XCR1: variants seen among roughly 807,000 people sequenced by gnomAD.
XCR1 encodes the protein X-C motif chemokine receptor 1.
For synonymous variants in XCR1, 187 were observed against 188.5 expected, an observed-to-expected ratio of 0.99 and a Z score of 0.06; for missense variants, 356 against 424.2, an observed-to-expected ratio of 0.84 and a Z score of 1.41.
At chr3:46,050,066 A>G (rs1697710757) in intron 5 of XCR1, among the ~76,000 whole-genome samples, 1 of 152,240 alleles carries the variant, frequency 6.6e-6, no homozygotes, top group Admixed American at 6.5e-5. Context: ...GAGCCATTCT[A>G]TTACTGTTAC....
chr3:46,076,369 G>GAAA (rs1698260394), intron 2 of XCR1, among the ~76,000 whole-genome samples: 2 of 152,022 alleles, frequency 1.3e-5, no homozygotes, highest in Admixed American at 1.3e-4. Flanking sequence ...AATCTGGGCC[G>GAAA]TTCCTACTTC....
In XCR1 at chr3:46,020,905, C is replaced by A. The variant is rs1387342242; in HGVS notation, c.*41G>T. 2 of 1,585,300 alleles carry A rather than the reference C, an allele frequency of 1.3e-6. No homozygotes were observed. The highest frequency in any genetic ancestry group is 8.6e-7 in the Non-Finnish European group (1 of 1,166,198). ...GCTTCTCCATGACCCCCATTCCAGT[C>A]CCTGTCCACCTGCACCTGCGCCTGC... On this transcript the variant is annotated 3_prime_UTR_variant, in exon 2 of 2. Coordinates refer to ENST00000309285, the MANE Select transcript of XCR1 (RefSeq NM_001024644.2).
At chr3:46,031,694 A>G (rs2125895805), upstream of XCR1, among the ~76,000 whole-genome samples, 1 of 152,354 alleles carries the variant, frequency 6.6e-6, no homozygotes. Context: ...TGACAGTCCC[A>G]CGAACCACAG....
chr3:46,067,485 G>A (rs1357420020), intron 3 of XCR1, among the ~76,000 whole-genome samples: 2 of 152,094 alleles, frequency 1.3e-5, no homozygotes, highest in East Asian at 3.9e-4. Flanking sequence ...GCTAAATTGG[G>A]TTCCATGCCT....
intron 2 of XCR1, among the ~76,000 whole-genome samples, chr3:46,076,097 T>C (rs1056079215): frequency 6.6e-6 from 1 of 152,190 alleles, no homozygotes; most frequent in Non-Finnish European, 1.5e-5. Context: ...GCCACCAAGA[T>C]TTTTTAACAG....
At chr3:46,054,631 A>G (rs1231178111) in intron 4 of XCR1, among the ~76,000 whole-genome samples, 1 of 152,156 alleles carries the variant, frequency 6.6e-6, no homozygotes, top group Admixed American at 6.5e-5. Flanking sequence ...ACAGAAAATC[A>G]GTGACTGAGA....
At position 46,063,778 on chromosome 3, in the gene XCR1, G is replaced by A. The variant is rs114721856; in HGVS notation, c.-183+3121C>T. On this transcript the variant is annotated intron_variant, in intron 4 of 5. Coordinates refer to the XCR1 transcript ENST00000683768. ...ATTACTTCTCATCTTTGGCTTAAAT[G>A]TTAACCTCCTAAACATGTAATCCTC... is the stretch of plus-strand genomic sequence containing the variant. 7.4e-3 allele frequency among the ~76,000 whole-genome samples: 1,121 copies of A among 152,258 alleles called. 11 individuals carry two copies. The highest frequency in any genetic ancestry group is 0.021 in the African/African-American group (878 of 41,548).
chr3:46,059,411 G>T (rs970481975), intron 4 of XCR1, among the ~76,000 whole-genome samples: 10 of 152,136 alleles, frequency 6.6e-5, no homozygotes, highest in Non-Finnish European at 8.8e-5. Context: ...GCACTTGGTT[G>T]TTCATTTTGC....
intron 4 of XCR1, among the ~76,000 whole-genome samples, chr3:46,064,619 C>T (rs1481102780): frequency 1.3e-5 from 2 of 152,224 alleles, no homozygotes; most frequent in African/African-American, 4.8e-5. Flanking sequence ...TTGGAACATT[C>T]TCACTTGGTG....
At chr3:46,060,681 G>C (rs71327015) in intron 4 of XCR1, among the ~76,000 whole-genome samples, 13,742 of 152,184 alleles carry the variant, frequency 0.09, 1,007 homozygotes, top group South Asian at 0.34. Context: ...GATTACCTAT[G>C]GTAATAGTGA....
chr3:46,021,101 T>C lies in XCR1; in HGVS notation c.847A>G (p.Asn283Asp), dbSNP rs770447991. 1.2e-6 allele frequency: 2 copies of C among 1,614,070 alleles called. No homozygotes were observed. The highest frequency in any genetic ancestry group is 2.7e-5 in the African/African-American group (2 of 74,920). ...CCCACGAAGACATAGAGCACCGGGT[T>C]AAAGCAGCAGTGGGAGAAGGCGAGG... ...RNLAFSHCCF[N>D]PVLYVFVGVK... Residue 283 changes from asparagine to aspartate, a missense_variant, in exon 2 of 2, where the codon AAC becomes GAC. Transcript: ENST00000309285. This position sits in a 1 kb window ranked among gnomAD's most constrained non-coding sequence, Gnocchi z 4.7.
intron 3 of XCR1, among the ~76,000 whole-genome samples, chr3:46,069,194 A>C (rs1698124606): frequency 6.6e-6 from 1 of 152,186 alleles, no homozygotes; most frequent in Non-Finnish European, 1.5e-5. Context: ...TTATCTCAAG[A>C]ATCTACAAAA....
At chr3:46,074,336 C>A (rs1698217443) in intron 3 of XCR1, among the ~76,000 whole-genome samples, 1 of 147,100 alleles carries the variant, frequency 6.8e-6, no homozygotes, top group South Asian at 2.2e-4. Flanking sequence ...TGATAGAGGT[C>A]ATTATCTTAA....
rs147396899 is a variant in XCR1 at position 46,041,701 on chromosome 3, T to A, written c.-32+12219A>T. ...CCTTCTGGTCTTAAAGCTTGAAACT[T>A]ACATTTGTTTTAGCTGAGTTCCTTC... On this transcript the variant is annotated intron_variant, in intron 5 of 5. Transcript: ENST00000683768. Among the ~76,000 whole-genome samples, 4 of 152,328 alleles carry A rather than the reference T, an allele frequency of 2.6e-5. No homozygotes were observed. The East Asian group carries it at 7.7e-4, about 29-fold the overall frequency.
intron 5 of XCR1, among the ~76,000 whole-genome samples, chr3:46,046,113 A>T (rs1286923568): frequency 6.6e-6 from 1 of 152,240 alleles, no homozygotes; most frequent in African/African-American, 2.4e-5. Context: ...AACAAGTGAG[A>T]CACAGAAAGA....
chr3:46,039,800 G>A (rs887190096), intron 5 of XCR1, among the ~76,000 whole-genome samples: 4 of 152,190 alleles, frequency 2.6e-5, no homozygotes, highest in African/African-American at 9.7e-5. Flanking sequence ...TGAGGGATAA[G>A]ATTAGTATAG....
intron 5 of XCR1, among the ~76,000 whole-genome samples, chr3:46,038,366 A>G (rs1697475604): frequency 6.6e-6 from 1 of 152,090 alleles, no homozygotes; most frequent in African/African-American, 2.4e-5. Flanking sequence ...CTCCAAGGTA[A>G]ACTGAGTAGG....
intron 4 of XCR1, among the ~76,000 whole-genome samples, chr3:46,054,900 T>C (rs1002100581): frequency 2.6e-5 from 4 of 152,138 alleles, no homozygotes; most frequent in Non-Finnish European, 5.9e-5. Flanking sequence ...ACACGGATGA[T>C]CAGTCAAATG....
At chr3:46,083,148 G>A (rs533829464) in intron 1 of XCR1, among the ~76,000 whole-genome samples, 60 of 152,290 alleles carry the variant, frequency 3.9e-4, no homozygotes, top group African/African-American at 8.9e-4. Context: ...TAAAATCCAT[G>A]ATGTTGTTAG....
Sources: allele counts gnomAD v4.1 joint callset (sites outside exome capture counted in the v4.1 genomes callset), GRCh38; gene constraint gnomAD v4.1.1; non-coding constraint Gnocchi (gnomAD v3.1); transcripts MANE v1.5; gene names NCBI Gene and HGNC (gene_info 2026-07-23, HGNC 2026-07-21).